TRIO: variants seen among roughly 807,000 people sequenced by gnomAD.
TRIO encodes triple functional domain protein.
A neutral mutation model predicts 351.9 loss-of-function variants in TRIO; 58 were observed. That is an observed-to-expected ratio of 0.16 (90% CI 0.13 to 0.21). The LOEUF (loss-of-function observed/expected upper bound fraction) is 0.21. Ranked by LOEUF, TRIO falls within the 10% of genes least tolerant of loss-of-function variation. The probability of loss-of-function intolerance (pLI) is 1.00; values close to 1 mark genes in which losing one functional copy is unlikely to be tolerated. For missense variants in TRIO, 3,201 were observed against 4,027.8 expected (o/e 0.79, Z 5.56); for synonymous variants, 1,758 against 1,595.7 (o/e 1.10, Z -2.42).
intron 1 of TRIO, among the ~76,000 whole-genome samples, chr5:14,258,048 T>C (rs149757723): frequency 0.014 from 2,143 of 152,072 alleles, 35 homozygotes; most frequent in African/African-American, 0.048. Context: ...TCACCCCCCC[T>C]GGGAGGTGGC....
At position 14,373,982 on chromosome 5, in the gene TRIO, C is replaced by G. The variant is rs370711547; in HGVS notation, c.3217-247C>G. ...GTGACCGTAAGCCAGGGGCTGCCCTCTGTTTCCTGCCCCATGGGCCTCTCT... is the reference window on the plus strand; with the variant it reads ...GTGACCGTAAGCCAGGGGCTGCCCTGTGTTTCCTGCCCCATGGGCCTCTCT... On this transcript the variant is annotated intron_variant, in intron 18 of 56. Coordinates refer to ENST00000344204, the MANE Select transcript of TRIO (RefSeq NM_007118.4). Among the ~76,000 whole-genome samples, 7 of 152,332 alleles carry G rather than the reference C, an allele frequency of 4.6e-5. No homozygotes were observed. In the South Asian group the frequency reaches 6.2e-4, roughly 14 times the overall value.
At chr5:14,199,350 A>G (rs1278635608) in intron 1 of TRIO, among the ~76,000 whole-genome samples, 1 of 152,202 alleles carries the variant, frequency 6.6e-6, no homozygotes, top group Non-Finnish European at 1.5e-5. Flanking sequence ...GTTTTGGATT[A>G]TTAATGCAGA....
rs953386085 is a variant in TRIO, at chr5:14,270,499, C to T, written c.158-326C>T. Among the ~76,000 whole-genome samples, 5 of 152,184 alleles carry T rather than the reference C, an allele frequency of 3.3e-5. 1 individual carries two copies. Among genetic ancestry groups the T allele is most frequent in the Admixed American group, 3.3e-4 (5 of 15,280 alleles). ...GCAAAGATTTATGTACATTAATCTA[C>T]ATAAAAATTAAGATTTGGTAAATAA... On this transcript the variant is annotated intron_variant, in intron 1 of 56. Coordinates refer to ENST00000344204, the MANE Select transcript of TRIO (RefSeq NM_007118.4).
intron 34 of TRIO, among the ~76,000 whole-genome samples, chr5:14,447,618 C>T (rs1451707356): frequency 2.0e-5 from 3 of 152,162 alleles, no homozygotes; most frequent in Admixed American, 1.3e-4. Flanking sequence ...AAAAAATCTG[C>T]GTATAGCCCC....
chr5:14,196,284 G>A (rs377240850), intron 1 of TRIO, among the ~76,000 whole-genome samples: 2 of 152,028 alleles, frequency 1.3e-5, no homozygotes, highest in East Asian at 1.9e-4. Context: ...TTAGCTGGGC[G>A]TGGTGGCGTG....
intron 1 of TRIO, among the ~76,000 whole-genome samples, chr5:14,175,629 A>G (rs1357368727): frequency 1.3e-5 from 2 of 152,242 alleles, no homozygotes; most frequent in Non-Finnish European, 2.9e-5. Context: ...GAGACTCAGA[A>G]TAAAGCTTAC....
At chr5:14,365,804 G>A (rs1308512914) in intron 15 of TRIO, among the ~76,000 whole-genome samples, 5 of 152,172 alleles carry the variant, frequency 3.3e-5, no homozygotes, top group Non-Finnish European at 1.5e-5. Flanking sequence ...CTGAGATCTT[G>A]GTGATGGCTG....
intron 34 of TRIO, among the ~76,000 whole-genome samples, chr5:14,454,977 T>C (rs1753155197): frequency 1.3e-5 from 2 of 150,726 alleles, no homozygotes; most frequent in Non-Finnish European, 3.0e-5. Flanking sequence ...AGGTGGCACG[T>C]CTGGAGTTGT....
At chr5:14,156,977 T>C (rs1561143965) in intron 1 of TRIO, among the ~76,000 whole-genome samples, 1 of 152,160 alleles carries the variant, frequency 6.6e-6, no homozygotes, top group Non-Finnish European at 1.5e-5. Flanking sequence ...AGGACACCTG[T>C]TGTGGGAAAA....
At chr5:14,190,680 A>G (rs1790399970) in intron 1 of TRIO, among the ~76,000 whole-genome samples, 1 of 152,212 alleles carries the variant, frequency 6.6e-6, no homozygotes, top group Non-Finnish European at 1.5e-5. Context: ...AGACAGACTC[A>G]TATGACTGGG....
At position 14,369,477 on chromosome 5, in the gene TRIO, C is replaced by T. The variant is rs779211429; in HGVS notation, c.3170C>T (p.Thr1057Met). 1.2e-5 allele frequency: 19 copies of T among 1,613,952 alleles called. No homozygotes were observed. Among genetic ancestry groups the T allele is most frequent in the African/African-American group, 8.0e-5 (6 of 74,926 alleles). Residue 1057 changes from threonine (T) to methionine (M), a missense_variant, in exon 18 of 57, where the codon ACG becomes ATG. Thr to Met is a moderately conservative substitution (Grantham distance 81). Around this residue, in one of 19 missense-constraint regions of TRIO, gnomAD observed 363 missense variants for 553.5 expected, o/e 0.66. Transcript: ENST00000344204. ...CCAAACTCTGAGACGGACCACGTGA[C>T]GCCCATGATCAGCAAGCACCTGGAG... ...LGPNSETDHV[T>M]PMISKHLEQK...
intron 9 of TRIO, among the ~76,000 whole-genome samples, chr5:14,318,641 A>G (rs868158366): frequency 2.0e-5 from 3 of 152,326 alleles, no homozygotes; most frequent in Middle Eastern, 6.8e-3. Context: ...ATTGCCAGAG[A>G]AAGAATACAG....
chr5:14,343,101 A>AAAAAAAG (rs1742090236), intron 11 of TRIO, among the ~76,000 whole-genome samples: 1 of 152,154 alleles, frequency 6.6e-6, no homozygotes, highest in East Asian at 1.9e-4. Context: ...AAAAAAAAAA[A>AAAAAAAG]AAAAAGAGAG....
At chr5:14,220,049 C>CTTTTTT (rs35237881) in intron 1 of TRIO, among the ~76,000 whole-genome samples, 1 of 94,786 alleles carries the variant, frequency 1.1e-5, no homozygotes, top group Non-Finnish European at 2.4e-5. Flanking sequence ...TCTTCTTCTT[C>CTTTTTT]TTTTTTTTTT....
intron 7 of TRIO, among the ~76,000 whole-genome samples, chr5:14,301,939 G>A (rs1486747956): frequency 6.6e-6 from 1 of 152,040 alleles, no homozygotes; most frequent in African/African-American, 2.4e-5. Context: ...CCATGGCTAG[G>A]ATTATTTCTA....
At chr5:14,232,386 G>A (rs902174009) in intron 1 of TRIO, among the ~76,000 whole-genome samples, 2 of 152,088 alleles carry the variant, frequency 1.3e-5, no homozygotes, top group Non-Finnish European at 2.9e-5. Flanking sequence ...CACTGTTGCA[G>A]ACAGGCATTT....
chr5:14,421,990 G>A (rs776293013), intron 34 of TRIO, among the ~76,000 whole-genome samples: 2 of 152,208 alleles, frequency 1.3e-5, no homozygotes, highest in Non-Finnish European at 2.9e-5. Context: ...GAGGGGTGCT[G>A]CCCCCACGAC....
chr5:14,356,387 A>C (rs1185857857), intron 11 of TRIO, among the ~76,000 whole-genome samples: 1 of 152,246 alleles, frequency 6.6e-6, no homozygotes, highest in African/African-American at 2.4e-5. Context: ...TGGATTTGCC[A>C]TCATTAGTAA....
chr5:14,408,576 A>G (rs1022903077), intron 33 of TRIO, among the ~76,000 whole-genome samples: 1 of 152,188 alleles, frequency 6.6e-6, no homozygotes, highest in Non-Finnish European at 1.5e-5. Context: ...GAGGTTAAAG[A>G]AATAAAGTTT....
Sources: gnomAD v4.1 joint callset for allele counts (sites outside exome capture counted in the v4.1 genomes callset) on GRCh38, gnomAD v4.1.1 for gene constraint, gnomAD v4.1.1 regional missense constraint, MANE v1.5 for transcripts, NCBI Gene and HGNC (gene_info 2026-07-23, HGNC 2026-07-21) for gene names.